Variants in UBXN11 observed in about 807,000 individuals in gnomAD.
UBXN11 encodes UBX domain protein 11.
UBXN11 carries 47 observed loss-of-function variants against 62.8 expected under a neutral mutation model. That is an observed-to-expected ratio of 0.75 (90% confidence interval 0.59 to 0.95). The LOEUF is 0.95. Among genes scored for constraint, UBXN11 ranks in the 40% least tolerant of loss-of-function variants. The pLI is 0.00. For missense variants in UBXN11, 638 were observed against 661.7 expected, an observed-to-expected ratio of 0.96 and a Z score of 0.39; for synonymous variants, 294 against 267.0, an observed-to-expected ratio of 1.10 and a Z score of -0.99.
chr1:26,285,694 C>T, intron 9 of UBXN11, 129 bp downstream of exon 9: 2 of 1,388,490 alleles, frequency 1.4e-6, no homozygotes, highest in Non-Finnish European at 1.9e-6. Flanking sequence ...GGGGCCTCTG[C>T]AAGTCGTGTG....
chr1:26,294,068 C>A, intron 8 of UBXN11, 137 bp downstream of exon 8: 10 of 1,347,328 alleles, frequency 7.4e-6, no homozygotes, highest in Non-Finnish European at 1.0e-5. Context: ...GTCTCAGGGG[C>A]AAGTTGTGGG....
intron 4 of UBXN11, 71 bp from the exon 5 acceptor site, chr1:26,298,133 G>A: frequency 6.7e-7 from 1 of 1,496,496 alleles, no homozygotes; most frequent in Non-Finnish European, 9.1e-7. Context: ...GAGGGAGGAG[G>A]ATAGGGGTCC....
chr1:26,301,734 G>A lies in UBXN11; in HGVS notation c.72-12C>T. 1.2e-6 allele frequency: 2 copies of A among 1,613,962 alleles called. No homozygotes were observed. Among genetic ancestry groups the A allele is most frequent in the Non-Finnish European group, 8.5e-7 (1 of 1,179,944 alleles). ...GGATTCCTCGCCTCCTGGGAACCCA[G>A]GCAGGAAGAAGGAAGAAATATAAGT... On this transcript the variant is annotated splice_polypyrimidine_tract_variant and intron_variant, in intron 2 of 14. Transcript: ENST00000374222.
rs867732892 is a variant in UBXN11, at chr1:26,306,636, C to G, written c.-80G>C. ...TCCCGCAGCGCCGCCATCTTGTTGTCACGCGGTTTCCTAGGCGACCAGGAC... is the reference window on the plus strand; with the variant it reads ...TCCCGCAGCGCCGCCATCTTGTTGTGACGCGGTTTCCTAGGCGACCAGGAC... On this transcript the variant is annotated 5_prime_UTR_variant, in exon 1 of 15. Transcript: ENST00000374222. 1.3e-5 allele frequency: 2 copies of G among 152,362 alleles called. No homozygotes were observed. Among genetic ancestry groups the G allele is most frequent in the African/African-American group, 4.8e-5 (2 of 41,442 alleles). The allele number at this position is 152,362 out of a possible 1,614,324, so 9.4% of individuals were successfully genotyped here. A position where few individuals can be genotyped will look rare whatever the true frequency, so the allele number is the denominator to read the frequency against.
chr1:26,298,780 GAAAAA>G (rs11368453), intron 4 of UBXN11, among the ~76,000 whole-genome samples: 1 of 61,716 alleles, frequency 1.6e-5, no homozygotes, highest in South Asian at 5.1e-4. Flanking sequence ...CTCTGTCTCA[GAAAAA>G]AAAAAAAAAA....
chr1:26,306,771 C>T (rs2073677710), upstream of UBXN11: 1 of 132,168 alleles, frequency 7.6e-6, no homozygotes, highest in Non-Finnish European at 1.5e-5. Context: ...AGTCGGTATT[C>T]TTCGCGGGCG....
chr1:26,315,959 CCTT>C (rs1243542096), intron 1 of UBXN11, among the ~76,000 whole-genome samples: 2 of 43,822 alleles, frequency 4.6e-5, no homozygotes, highest in Non-Finnish European at 9.2e-5. Context: ...TGTTTCCTGG[CCTT>C]TTTTTTTTTT....
At chr1:26,293,899 C>G (rs78737148) in intron 8 of UBXN11, among the ~76,000 whole-genome samples, 2 of 151,968 alleles carry the variant, frequency 1.3e-5, no homozygotes, top group East Asian at 3.9e-4. Flanking sequence ...AGATTGGTGG[C>G]GTTTTGTAGA....
At chr1:26,287,760 CCA>C (rs2073165399) in intron 8 of UBXN11, among the ~76,000 whole-genome samples, 1 of 152,138 alleles carries the variant, frequency 6.6e-6, no homozygotes, top group Non-Finnish European at 1.5e-5. Context: ...CGGGGGCTCC[CCA>C]CATAGTCCCT....
At chr1:26,312,341 T>C (rs1047318655) in intron 1 of UBXN11, among the ~76,000 whole-genome samples, 1 of 152,086 alleles carries the variant, frequency 6.6e-6, no homozygotes, top group Non-Finnish European at 1.5e-5. Context: ...AATCTCCACC[T>C]CTGGGTTCAA....
chr1:26,302,011 A>T (rs1012213249), intron 2 of UBXN11, among the ~76,000 whole-genome samples: 2 of 152,230 alleles, frequency 1.3e-5, no homozygotes, highest in African/African-American at 4.8e-5. Flanking sequence ...GCTCAGCCCC[A>T]GCTCTGCTCT....
At chr1:26,304,615 T>C (rs956248588) in intron 1 of UBXN11, among the ~76,000 whole-genome samples, 2 of 152,050 alleles carry the variant, frequency 1.3e-5, no homozygotes, top group Non-Finnish European at 2.9e-5. Context: ...TAGCCGGGCT[T>C]GGTGGCAGGC....
intron 1 of UBXN11, among the ~76,000 whole-genome samples, chr1:26,311,809 G>A (rs1472078956): frequency 6.6e-6 from 1 of 152,196 alleles, no homozygotes; most frequent in Non-Finnish European, 1.5e-5. Flanking sequence ...GAGCCTTACA[G>A]TTATGACCCC....
chr1:26,282,858 C>CCTCACCTCT lies in UBXN11; in HGVS notation c.1148_1151+5dup, dbSNP rs1411312027. The CCTCACCTCT allele has an allele frequency of 6.2e-7, 1 of 1,614,184 alleles. No homozygotes were observed. Among genetic ancestry groups the CCTCACCTCT allele is most frequent in the Non-Finnish European group, 8.5e-7 (1 of 1,180,034 alleles). ...CCAGGCCCTCACCTCCTCATCCCGC[C>CCTCACCTCT]CTCACCTCTCTCGCTCAGCGGCCAA... On this transcript the variant is annotated splice_donor_region_variant and intron_variant, in intron 13 of 14. Coordinates refer to ENST00000374222, the MANE Select transcript of UBXN11 (RefSeq NM_001389556.1).
intron 8 of UBXN11, among the ~76,000 whole-genome samples, chr1:26,290,926 A>G (rs1273154360): frequency 1.3e-5 from 2 of 152,144 alleles, no homozygotes; most frequent in Non-Finnish European, 2.9e-5. Flanking sequence ...GCGTGTGACC[A>G]GAGCAGGACT....
In UBXN11 at chr1:26,285,906, C is replaced by T. The variant is rs916011692; in HGVS notation, c.691G>A (p.Glu231Lys). The change falls in exon 9 of 15, where the codon GAG becomes AAG. Residue 231 changes from glutamate (E) to lysine (K), a missense_variant. By Grantham distance (56) the Glu-to-Lys change is moderately conservative (BLOSUM62 1). Coordinates refer to ENST00000374222, the MANE Select transcript of UBXN11 (RefSeq NM_001389556.1). ...VPGGARLRTL[E>K]PIPLKLYRNG... ...CGGTAGAGCTTCAGCGGGATGGGCTCGAGGGTACGCAGCCGTGCCCCGCCG... is the reference window on the plus strand; with the variant it reads ...CGGTAGAGCTTCAGCGGGATGGGCTTGAGGGTACGCAGCCGTGCCCCGCCG... The T allele has an allele frequency of 1.2e-6, 2 of 1,613,514 alleles. No individual in the cohort carries two copies. Among genetic ancestry groups the T allele is most frequent in the African/African-American group, 1.3e-5 (1 of 74,922 alleles).
At chr1:26,299,137 CT>C (rs1171108716) in intron 4 of UBXN11, among the ~76,000 whole-genome samples, 1 of 152,134 alleles carries the variant, frequency 6.6e-6, no homozygotes, top group Non-Finnish European at 1.5e-5. Flanking sequence ...CATTTGGGAA[CT>C]GTCTACACAT....
At chr1:26,308,492 G>A (rs1570143043), upstream of UBXN11, among the ~76,000 whole-genome samples, 1 of 152,126 alleles carries the variant, frequency 6.6e-6, no homozygotes, top group Admixed American at 6.6e-5. Flanking sequence ...CTACTGCCAA[G>A]GGAGGAGTCT....
chr1:26,302,305 A>C (rs1252620354), intron 2 of UBXN11, among the ~76,000 whole-genome samples: 1 of 143,454 alleles, frequency 7.0e-6, no homozygotes, highest in Non-Finnish European at 1.5e-5. Flanking sequence ...GGTTGCAGTG[A>C]GCCAAGATCG....
Sources: allele counts gnomAD v4.1 joint callset (sites outside exome capture counted in the v4.1 genomes callset), GRCh38; gene constraint gnomAD v4.1.1; transcripts MANE v1.5; gene names NCBI Gene and HGNC (gene_info 2026-07-23, HGNC 2026-07-21).